IMMP2L: variants seen among roughly 807,000 people sequenced by gnomAD.
IMMP2L encodes the protein inner mitochondrial membrane peptidase subunit 2, also known as mitochondrial inner membrane protease subunit 2.
A neutral mutation model predicts 19.3 loss-of-function variants in IMMP2L; 18 were observed. That is an observed-to-expected ratio of 0.93 (90% confidence interval 0.64 to 1.38). The LOEUF (loss-of-function observed/expected upper bound fraction) is 1.38. IMMP2L is among the 40% of genes most tolerant of loss of function. The pLI is 0.00. For synonymous variants in IMMP2L, 76 were observed against 73.0 expected (o/e 1.04, Z -0.21); for missense variants, 233 against 218.2 (o/e 1.07, Z -0.43).
At chr7:111,526,720 C>T (rs189462552) in intron 1 of IMMP2L, among the ~76,000 whole-genome samples, 1 of 152,232 alleles carries the variant, frequency 6.6e-6, no homozygotes, top group Admixed American at 6.5e-5. Context: ...TTTCTGGAAA[C>T]TTCTGGAAAG....
At chr7:111,002,637 TAATC>T (rs1177381845) in intron 3 of IMMP2L, among the ~76,000 whole-genome samples, 1 of 152,176 alleles carries the variant, frequency 6.6e-6, no homozygotes, top group Non-Finnish European at 1.5e-5. Context: ...GTTATATACT[TAATC>T]AAGGGTAATT....
chr7:110,669,073 GTGTGTGTGTGTGTGTGTATA>G (rs1222881577), intron 5 of IMMP2L, among the ~76,000 whole-genome samples: 10 of 104,006 alleles, frequency 9.6e-5, no homozygotes, highest in East Asian at 4.6e-4. Flanking sequence ...GTGTGTGTGT[GTGTGTGTGTGTGTGTGTATA>G]TGTATATATA....
chr7:110,929,737 C>T (rs944040493), intron 4 of IMMP2L, among the ~76,000 whole-genome samples: 1 of 152,160 alleles, frequency 6.6e-6, no homozygotes, highest in Admixed American at 6.5e-5. Context: ...AAATAACTAT[C>T]CATGACTGTC....
intron 5 of IMMP2L, among the ~76,000 whole-genome samples, chr7:110,781,595 A>T (rs1424216177): frequency 1.3e-5 from 2 of 151,832 alleles, no homozygotes; most frequent in Non-Finnish European, 2.9e-5. Flanking sequence ...CATGCATAGA[A>T]TATGCTTCCA....
intron 3 of IMMP2L, among the ~76,000 whole-genome samples, chr7:110,990,125 T>C (rs1585621630): frequency 6.6e-6 from 1 of 152,276 alleles, no homozygotes; most frequent in South Asian, 2.1e-4. Flanking sequence ...TAAATATATA[T>C]GACTACATAG....
chr7:110,919,031 TTAA>T (rs1269207482), intron 4 of IMMP2L, among the ~76,000 whole-genome samples: 1 of 152,062 alleles, frequency 6.6e-6, no homozygotes, highest in African/African-American at 2.4e-5. Context: ...TAGGTCAAAC[TTAA>T]TAACCTTCAA....
rs555424829 is a variant in IMMP2L, at chr7:110,803,416, G to T, written c.408+83177C>A. ...TGGAATCATTACTGTTGCAGTATGG[G>T]GTCTCTGGAAAGGCAGACTCTGAAA... On this transcript the variant is annotated intron_variant, in intron 5 of 5. Coordinates refer to ENST00000405709, the MANE Select transcript of IMMP2L (RefSeq NM_032549.4). This position sits in a 1 kb window ranked among gnomAD's most constrained non-coding sequence, Gnocchi z 4.2. 1.3e-5 allele frequency among the ~76,000 whole-genome samples: 2 copies of T among 152,102 alleles called. No homozygotes were observed. Among genetic ancestry groups the T allele is most frequent in the African/African-American group, 4.8e-5 (2 of 41,530 alleles).
At chr7:111,496,298 T>G (rs1843587299) in intron 2 of IMMP2L, among the ~76,000 whole-genome samples, 2 of 152,186 alleles carry the variant, frequency 1.3e-5, no homozygotes, top group South Asian at 4.1e-4. Flanking sequence ...TACCCAGGTC[T>G]GTACAAAGCT....
chr7:110,809,977 A>G (rs1801909952), intron 5 of IMMP2L, among the ~76,000 whole-genome samples: 1 of 152,072 alleles, frequency 6.6e-6, no homozygotes, highest in Non-Finnish European at 1.5e-5. Flanking sequence ...GAAAAACACG[A>G]AAGACAAAGC....
At chr7:111,321,393 C>A (rs1410536588) in intron 3 of IMMP2L, among the ~76,000 whole-genome samples, 1 of 151,882 alleles carries the variant, frequency 6.6e-6, no homozygotes, top group East Asian at 1.9e-4. Context: ...AAAGAAAAAT[C>A]TCCATCCATT....
At chr7:111,274,176 G>A (rs892648740) in intron 3 of IMMP2L, among the ~76,000 whole-genome samples, 9 of 152,026 alleles carry the variant, frequency 5.9e-5, no homozygotes, top group African/African-American at 1.4e-4. Context: ...AATGTAATTA[G>A]TGATAATAAT....
chr7:111,125,220 A>G (rs1801167426), intron 3 of IMMP2L: 1 of 237,484 alleles, frequency 4.2e-6, no homozygotes, highest in Admixed American at 5.3e-5. Context: ...TTAAGTAAAT[A>G]AGAGTAGTTG....
intron 3 of IMMP2L, among the ~76,000 whole-genome samples, chr7:111,209,919 T>C (rs1811131047): frequency 6.6e-6 from 1 of 152,168 alleles, no homozygotes; most frequent in African/African-American, 2.4e-5. Flanking sequence ...CTACCTATGC[T>C]ATATGCCTAT....
At chr7:111,451,840 C>T (rs975070401) in intron 3 of IMMP2L, among the ~76,000 whole-genome samples, 16 of 151,944 alleles carry the variant, frequency 1.1e-4, no homozygotes, top group African/African-American at 3.6e-4. Context: ...CGTTTTCTCT[C>T]GATATATCAC....
At chr7:111,311,399 G>C (rs543327062) in intron 3 of IMMP2L, among the ~76,000 whole-genome samples, 5 of 152,030 alleles carry the variant, frequency 3.3e-5, no homozygotes, top group South Asian at 2.1e-4. Context: ...CAAGAACAAT[G>C]GTCAAGCATT....
intron 3 of IMMP2L, among the ~76,000 whole-genome samples, chr7:110,980,204 A>G (rs1231780500): frequency 7.1e-6 from 1 of 139,906 alleles, no homozygotes; most frequent in African/African-American, 2.6e-5. Flanking sequence ...TAACTGGCTT[A>G]TATGACTGTA....
At chr7:111,357,948 A>G (rs1394624106) in intron 3 of IMMP2L, among the ~76,000 whole-genome samples, 1 of 151,108 alleles carries the variant, frequency 6.6e-6, no homozygotes, top group African/African-American at 2.4e-5. Flanking sequence ...ACACTCCCAT[A>G]CTCTGATTTC....
chr7:111,126,811 A>G (rs1174134490), intron 3 of IMMP2L, among the ~76,000 whole-genome samples: 6 of 152,192 alleles, frequency 3.9e-5, no homozygotes, highest in Admixed American at 3.9e-4. Flanking sequence ...TTTATCTCTC[A>G]AAGTTACAAA....
In IMMP2L at chr7:110,890,493, G is replaced by A. The variant is rs1249762279; in HGVS notation, c.306-3798C>T. ...AATCCAAAGTAGCTTTAAAAAATATGATGTTAAAATATTGGGCTGGTCCCT... is the reference window on the plus strand; with the variant it reads ...AATCCAAAGTAGCTTTAAAAAATATAATGTTAAAATATTGGGCTGGTCCCT... On this transcript the variant is annotated intron_variant, in intron 4 of 5. Transcript: ENST00000405709. 8.5e-5 allele frequency among the ~76,000 whole-genome samples: 13 copies of A among 152,248 alleles called. No homozygotes were observed. In the East Asian group the frequency reaches 1.9e-3, roughly 23 times the overall value.
Sources: allele counts gnomAD v4.1 joint callset (sites outside exome capture counted in the v4.1 genomes callset), GRCh38; gene constraint gnomAD v4.1.1; non-coding constraint Gnocchi (gnomAD v3.1); transcripts MANE v1.5; gene names NCBI Gene and HGNC (gene_info 2026-07-23, HGNC 2026-07-21).